The following GNAZ variants were observed in gnomAD, a reference collection of about 807,000 sequenced individuals.
The protein encoded by GNAZ is guanine nucleotide-binding protein G(z) subunit alpha.
GNAZ carries 3 observed loss-of-function variants against 25.4 expected under a neutral mutation model. That is an observed-to-expected ratio of 0.12 (90% CI 0.05 to 0.30). The LOEUF is 0.30. GNAZ is among the 10% of genes least tolerant of loss of function. GNAZ has a pLI of 1.00. For missense variants in GNAZ, 241 were observed against 501.8 expected (o/e 0.48, Z 4.97); for synonymous variants, 211 against 205.7 (o/e 1.03, Z -0.22).
At chr22:23,072,460 A>C (rs998963723) in intron 1 of GNAZ, among the ~76,000 whole-genome samples, 4 of 152,228 alleles carry the variant, frequency 2.6e-5, no homozygotes, top group Non-Finnish European at 4.4e-5. Flanking sequence ...TGAATAAGAC[A>C]TAATTTCTCC....
intron 2 of GNAZ, among the ~76,000 whole-genome samples, chr22:23,097,419 G>A (rs2069157624): frequency 6.6e-6 from 1 of 152,222 alleles, no homozygotes; most frequent in Non-Finnish European, 1.5e-5. Flanking sequence ...AGTGGCCATG[G>A]TGCTAGGAGC....
In GNAZ at chr22:23,123,495, G is replaced by A; in HGVS notation, c.*64G>A. 9.4e-7 allele frequency: 1 copy of A among 1,061,368 alleles called. No homozygotes were observed. 65.7% of individuals were successfully genotyped at this position (1,061,368 alleles called of 1,614,324 possible). A position where few individuals can be genotyped will look rare whatever the true frequency, so the allele number is the denominator to read the frequency against. On this transcript the variant is annotated 3_prime_UTR_variant, in exon 3 of 3. Coordinates refer to ENST00000615612, the MANE Select transcript of GNAZ (RefSeq NM_002073.4). Reference sequence around the variant, plus strand: ...CACGGGGTGTCATGCCCCAACGCGTGCTAGAGAGGCCCAATCCAGGGGCAG... The same window carrying A: ...CACGGGGTGTCATGCCCCAACGCGTACTAGAGAGGCCCAATCCAGGGGCAG...
intron 1 of GNAZ, among the ~76,000 whole-genome samples, chr22:23,073,052 G>A (rs1488663522): frequency 6.6e-6 from 1 of 152,256 alleles, no homozygotes; most frequent in Non-Finnish European, 1.5e-5. Context: ...GTGAACACAT[G>A]TGTGCGGCTT....
intron 2 of GNAZ, among the ~76,000 whole-genome samples, chr22:23,097,661 T>TC (rs2069166553): frequency 6.6e-6 from 1 of 152,252 alleles, no homozygotes; most frequent in Non-Finnish European, 1.5e-5. Context: ...CCCCTTACCC[T>TC]GTGGTTGCCA....
At chr22:23,110,485 G>C (rs2069613682) in intron 2 of GNAZ, among the ~76,000 whole-genome samples, 1 of 152,134 alleles carries the variant, frequency 6.6e-6, no homozygotes, top group African/African-American at 2.4e-5. Context: ...CCTGCCCACT[G>C]CCCTGTCTCT....
At chr22:23,082,285 C>T (rs113292338) in intron 1 of GNAZ, among the ~76,000 whole-genome samples, 3,349 of 151,362 alleles carry the variant, frequency 0.022, 126 homozygotes, top group African/African-American at 0.076. Context: ...GGCGCGATCT[C>T]GGCTCACTGC....
In GNAZ at chr22:23,070,566, C is replaced by G. The variant is rs1388913652; in HGVS notation, c.-454C>G. The G allele has an allele frequency of 1.3e-5, 2 of 151,418 alleles. No individual in the cohort carries two copies. The highest frequency in any genetic ancestry group is 1.5e-5 in the Non-Finnish European group (1 of 67,894). The allele number at this position is 151,418 out of a possible 1,614,324, so 9.4% of individuals were successfully genotyped here. A position where few individuals can be genotyped will look rare whatever the true frequency, so the allele number is the denominator to read the frequency against. Reference sequence around the variant, plus strand: ...TCGGCAGATGCTCTGTGCTGCGGCCCGGAGGTGAGTGAGCCGACCCGCGGC... The same window carrying G: ...TCGGCAGATGCTCTGTGCTGCGGCCGGGAGGTGAGTGAGCCGACCCGCGGC... On this transcript the variant is annotated 5_prime_UTR_variant, in exon 1 of 3. Transcript: ENST00000615612.
intron 1 of GNAZ, among the ~76,000 whole-genome samples, chr22:23,082,466 G>A (rs6003498): frequency 0.014 from 2,103 of 149,636 alleles, 48 homozygotes; most frequent in African/African-American, 0.049. Context: ...TGATCCACCT[G>A]CCTCAGCCTC....
chr22:23,102,063 G>C lies in GNAZ; in HGVS notation c.723+5645G>C, dbSNP rs188110440. On this transcript the variant is annotated intron_variant, in intron 2 of 2. Coordinates refer to ENST00000615612, the MANE Select transcript of GNAZ (RefSeq NM_002073.4). ...CTATAGCTGGGCCACCCGTGGCCTAGAGGCCCCACCAACACTTGTGAACAG... is the reference window on the plus strand; with the variant it reads ...CTATAGCTGGGCCACCCGTGGCCTACAGGCCCCACCAACACTTGTGAACAG... Among the ~76,000 whole-genome samples, 22 of 152,328 alleles carry C rather than the reference G, an allele frequency of 1.4e-4. 1 individual carries two copies. In the East Asian group the frequency reaches 4.3e-3, roughly 29 times the overall value.
intron 2 of GNAZ, among the ~76,000 whole-genome samples, chr22:23,111,429 C>T (rs749609964): frequency 6.6e-6 from 1 of 152,220 alleles, no homozygotes; most frequent in Non-Finnish European, 1.5e-5. Context: ...TGGGACAGGG[C>T]CCCATCTGCA....
chr22:23,123,056 C>T, intron 2 of GNAZ, 31 bp from the exon 3 acceptor site: 1 of 1,465,744 alleles, frequency 6.8e-7, no homozygotes, highest in South Asian at 1.1e-5. Flanking sequence ...TGCTGCGGGC[C>T]TGATTAACGC....
intron 1 of GNAZ, among the ~76,000 whole-genome samples, chr22:23,092,324 G>C (rs1423504748): frequency 6.6e-6 from 1 of 152,118 alleles, no homozygotes; most frequent in Non-Finnish European, 1.5e-5. Context: ...GGCTCCCAAC[G>C]CAAGGCTTCC....
At chr22:23,091,358 A>C (rs2068968627) in intron 1 of GNAZ, among the ~76,000 whole-genome samples, 1 of 152,048 alleles carries the variant, frequency 6.6e-6, no homozygotes, top group African/African-American at 2.4e-5. Context: ...GCACCTATGC[A>C]TACACGCACA....
At chr22:23,115,540 A>T (rs1457564113) in intron 2 of GNAZ, among the ~76,000 whole-genome samples, 1 of 151,956 alleles carries the variant, frequency 6.6e-6, no homozygotes, top group Non-Finnish European at 1.5e-5. Context: ...CCCAGAGGGG[A>T]GCGAGGAGGA....
intron 2 of GNAZ, among the ~76,000 whole-genome samples, chr22:23,116,089 C>A (rs1262121468): frequency 6.6e-6 from 1 of 152,272 alleles, no homozygotes; most frequent in Non-Finnish European, 1.5e-5. Context: ...CATGTGCTCA[C>A]CACGTGCCCA....
At chr22:23,104,396 C>T (rs1412375401) in intron 2 of GNAZ, among the ~76,000 whole-genome samples, 1 of 152,156 alleles carries the variant, frequency 6.6e-6, no homozygotes, top group Admixed American at 6.5e-5. Flanking sequence ...AGGCTGGATG[C>T]TCACAATGAT....
At chr22:23,104,182 G>A (rs1351456954) in intron 2 of GNAZ, among the ~76,000 whole-genome samples, 2 of 152,324 alleles carry the variant, frequency 1.3e-5, no homozygotes, top group East Asian at 3.9e-4. Flanking sequence ...ACAGAGCTAT[G>A]CACAGTGCCC....
chr22:23,085,374 G>A (rs964565084), intron 1 of GNAZ, among the ~76,000 whole-genome samples: 4 of 152,134 alleles, frequency 2.6e-5, no homozygotes, highest in Non-Finnish European at 5.9e-5. Context: ...CCCCAAGCAG[G>A]GCCACACACA....
At chr22:23,108,049 G>A (rs1365260219) in intron 2 of GNAZ, among the ~76,000 whole-genome samples, 3 of 152,196 alleles carry the variant, frequency 2.0e-5, no homozygotes, top group South Asian at 2.1e-4. Context: ...TGGGTGTGAG[G>A]CCTGTGCCCC....
Sources: gnomAD v4.1 joint callset for allele counts (sites outside exome capture counted in the v4.1 genomes callset) on GRCh38, gnomAD v4.1.1 for gene constraint, MANE v1.5 for transcripts, NCBI Gene and HGNC (gene_info 2026-07-23, HGNC 2026-07-21) for gene names.